MAGI3: variants seen among roughly 807,000 people sequenced by gnomAD.
MAGI3 encodes the protein membrane-associated guanylate kinase, WW and PDZ domain-containing protein 3.
Under a neutral mutation model 121.8 loss-of-function variants are expected in MAGI3, and 43 were observed. That is an observed-to-expected ratio of 0.35 (90% CI 0.28 to 0.46). MAGI3 has a LOEUF of 0.46. MAGI3 is among the 20% of genes least tolerant of loss of function. The probability of loss-of-function intolerance (pLI) is 1.00; values close to 1 mark genes in which losing one functional copy is unlikely to be tolerated. For synonymous variants in MAGI3, 553 were observed against 639.3 expected (o/e 0.86, Z 2.04); for missense variants, 1,547 against 1,797.3 (o/e 0.86, Z 2.52).
At chr1:113,603,102 C>T (rs545687130) in intron 6 of MAGI3, among the ~76,000 whole-genome samples, 4 of 151,218 alleles carry the variant, frequency 2.6e-5, no homozygotes, top group Non-Finnish European at 5.9e-5. Flanking sequence ...AAGCCCAATT[C>T]GAAATGAAAA....
chr1:113,525,642 TTTAA>T (rs1222149068), intron 1 of MAGI3, among the ~76,000 whole-genome samples: 25 of 151,890 alleles, frequency 1.6e-4, no homozygotes, highest in African/African-American at 4.4e-4. Flanking sequence ...ACTAATGTGG[TTTAA>T]TTAATTAAAC....
At chr1:113,679,337 A>G (rs1259167404) in intron 19 of MAGI3, among the ~76,000 whole-genome samples, 5 of 152,054 alleles carry the variant, frequency 3.3e-5, no homozygotes, top group African/African-American at 1.2e-4. Context: ...CCCAATTACA[A>G]TTGAGAACAT....
intron 2 of MAGI3, among the ~76,000 whole-genome samples, chr1:113,567,777 G>T (rs577857205): frequency 6.6e-6 from 1 of 151,906 alleles, no homozygotes; most frequent in Non-Finnish European, 1.5e-5. Context: ...AAGACAGAAG[G>T]CTTTTCCTGT....
intron 1 of MAGI3, among the ~76,000 whole-genome samples, chr1:113,439,299 C>A (rs1051922822): frequency 1.3e-5 from 2 of 152,210 alleles, no homozygotes; most frequent in African/African-American, 2.4e-5. Context: ...ATATTGACTT[C>A]AGGATAACAA....
At chr1:113,532,433 G>C (rs1226646445) in intron 1 of MAGI3, among the ~76,000 whole-genome samples, 9 of 150,488 alleles carry the variant, frequency 6.0e-5, no homozygotes, top group African/African-American at 2.2e-4. Context: ...TTTTTTTTAA[G>C]TTGTAAAAAT....
chr1:113,638,655 C>G (rs992561294), intron 9 of MAGI3, among the ~76,000 whole-genome samples: 9 of 152,192 alleles, frequency 5.9e-5, no homozygotes, highest in African/African-American at 2.2e-4. Context: ...GGGGTGCCTC[C>G]CAGTTAGGCT....
chr1:113,580,123 A>G (rs1328318112), intron 2 of MAGI3, among the ~76,000 whole-genome samples: 1 of 152,194 alleles, frequency 6.6e-6, no homozygotes, highest in Middle Eastern at 3.2e-3. Context: ...ATAATGGCTA[A>G]GAAGCCATAT....
chr1:113,534,943 G>A (rs369491447), intron 1 of MAGI3, among the ~76,000 whole-genome samples: 63 of 152,186 alleles, frequency 4.1e-4, no homozygotes, highest in South Asian at 2.5e-3. Flanking sequence ...ATCACCATAT[G>A]GTATTCAGTC....
intron 2 of MAGI3, among the ~76,000 whole-genome samples, chr1:113,573,889 A>G (rs1418077582): frequency 6.6e-6 from 1 of 152,176 alleles, no homozygotes; most frequent in African/African-American, 2.4e-5. Flanking sequence ...TATTGGGTGC[A>G]TACATATTTG....
intron 9 of MAGI3, among the ~76,000 whole-genome samples, chr1:113,624,880 T>C (rs1651121774): frequency 6.6e-6 from 1 of 152,234 alleles, no homozygotes; most frequent in Non-Finnish European, 1.5e-5. Context: ...CTTGATTTGA[T>C]TTTTGTATAC....
At chr1:113,546,941 G>T (rs1043483863) in intron 1 of MAGI3, among the ~76,000 whole-genome samples, 4 of 151,890 alleles carry the variant, frequency 2.6e-5, no homozygotes, top group Non-Finnish European at 4.4e-5. Context: ...AAATTAGCCA[G>T]GCATGGTGGC....
At chr1:113,551,164 A>C (rs1659772853) in intron 2 of MAGI3, among the ~76,000 whole-genome samples, 1 of 152,166 alleles carries the variant, frequency 6.6e-6, no homozygotes, top group South Asian at 2.1e-4. Flanking sequence ...CCTGATCCTC[A>C]GAAACTCTCT....
At chr1:113,454,454 A>G (rs777026496) in intron 1 of MAGI3, among the ~76,000 whole-genome samples, 15 of 152,170 alleles carry the variant, frequency 9.9e-5, no homozygotes, top group Non-Finnish European at 2.1e-4. Context: ...CAGTTACCTC[A>G]TTATAAAATA....
intron 3 of MAGI3, among the ~76,000 whole-genome samples, chr1:113,582,686 G>A (rs1290734989): frequency 6.6e-6 from 1 of 151,952 alleles, no homozygotes; most frequent in Non-Finnish European, 1.5e-5. Flanking sequence ...CAGGAGGAAA[G>A]ACACATATCA....
chr1:113,598,620 A>G (rs994054225), intron 6 of MAGI3, among the ~76,000 whole-genome samples: 1 of 152,218 alleles, frequency 6.6e-6, no homozygotes, highest in African/African-American at 2.4e-5. Context: ...ATGATCAACA[A>G]GAAGATATTG....
chr1:113,632,572 G>A lies in MAGI3; in HGVS notation c.1361-9339G>A, dbSNP rs1025753755. The stretch of plus-strand genomic sequence containing the variant: ...ATTAAAAAATACCCAACTGATGACC[G>A]TCAACTGGTAATGATTCTACAACCA... On this transcript the variant is annotated intron_variant, in intron 9 of 20. Coordinates refer to ENST00000307546, the MANE Select transcript of MAGI3 (RefSeq NM_001142782.2). Among the ~76,000 whole-genome samples the A allele has an allele frequency of 1.1e-4, 16 of 152,256 alleles. 1 individual carries two copies. The highest frequency in any genetic ancestry group is 6.2e-4 in the South Asian group (3 of 4,830).
At chr1:113,646,421 G>A in intron 11 of MAGI3, 65 bp from the exon 12 acceptor site, 1 of 1,355,486 alleles carries the variant, frequency 7.4e-7, no homozygotes, top group South Asian at 1.5e-5. Flanking sequence ...TCAGATATCA[G>A]TTTTATGAAT....
chr1:113,500,511 A>C (rs1169228385), intron 1 of MAGI3, among the ~76,000 whole-genome samples: 1 of 37,416 alleles, frequency 2.7e-5, no homozygotes. Context: ...CAAGACTAAA[A>C]CAGGAAGAAG....
intron 9 of MAGI3, among the ~76,000 whole-genome samples, chr1:113,627,916 G>A (rs992851692): frequency 6.6e-6 from 1 of 151,942 alleles, no homozygotes. Flanking sequence ...TACCTTTACA[G>A]GTGACATATG....
Sources: allele counts gnomAD v4.1 joint callset (sites outside exome capture counted in the v4.1 genomes callset), GRCh38; gene constraint gnomAD v4.1.1; transcripts MANE v1.5; gene names NCBI Gene and HGNC (gene_info 2026-07-23, HGNC 2026-07-21).